ULK4: variants seen among roughly 807,000 people sequenced by gnomAD.
ULK4 encodes the protein unc-51 like kinase 4, also known as inactive serine/threonine-protein kinase ULK4.
In ULK4, 133 loss-of-function variants were observed where a neutral mutation model predicts 160.6. The observed-to-expected ratio is 0.83, with a 90% CI of 0.72 to 0.96. The LOEUF (loss-of-function observed/expected upper bound fraction) is 0.96. Ranked by LOEUF, ULK4 falls within the 40% of genes least tolerant of loss-of-function variation. The pLI is 0.00. For synonymous variants in ULK4, 534 were observed against 539.8 expected (o/e 0.99, Z 0.15); for missense variants, 1,580 against 1,499.5 (o/e 1.05, Z -0.89).
intron 34 of ULK4, among the ~76,000 whole-genome samples, chr3:41,400,817 A>G (rs546943731): frequency 5.9e-5 from 9 of 152,120 alleles, no homozygotes; most frequent in Non-Finnish European, 1.2e-4. Context: ...AAAAGATCCA[A>G]TTTCTCAGCA....
intron 19 of ULK4, among the ~76,000 whole-genome samples, chr3:41,809,734 T>G (rs755741747): frequency 3.9e-5 from 6 of 152,196 alleles, no homozygotes; most frequent in Non-Finnish European, 8.8e-5. Context: ...ACTTTTAATA[T>G]ATATTTTCAA....
chr3:41,367,417 G>A (rs924378226), intron 35 of ULK4, among the ~76,000 whole-genome samples: 11 of 152,308 alleles, frequency 7.2e-5, no homozygotes, highest in African/African-American at 2.2e-4. Flanking sequence ...GGTAGAGGGC[G>A]ATGGCTCTGG....
intron 17 of ULK4, among the ~76,000 whole-genome samples, chr3:41,873,012 G>A (rs1415532399): frequency 6.6e-6 from 1 of 152,114 alleles, no homozygotes; most frequent in Non-Finnish European, 1.5e-5. Flanking sequence ...AATAAGCCGA[G>A]TATGGTGGTA....
chr3:41,352,551 A>G (rs546751707), intron 35 of ULK4, among the ~76,000 whole-genome samples: 1 of 152,206 alleles, frequency 6.6e-6, no homozygotes, highest in East Asian at 1.9e-4. Context: ...GGGAACTGCA[A>G]TATCTCTTTC....
At chr3:41,814,010 G>A (rs1203341141) in intron 19 of ULK4, among the ~76,000 whole-genome samples, 1 of 152,160 alleles carries the variant, frequency 6.6e-6, no homozygotes, top group Non-Finnish European at 1.5e-5. Context: ...AGCGCTGAGT[G>A]GGGTAGACCG....
At chr3:41,643,262 T>C (rs527785031) in intron 30 of ULK4, among the ~76,000 whole-genome samples, 1 of 152,298 alleles carries the variant, frequency 6.6e-6, no homozygotes, top group East Asian at 1.9e-4. Context: ...ATGAAGTCCT[T>C]GCCCATGCCT....
intron 21 of ULK4, among the ~76,000 whole-genome samples, chr3:41,756,215 G>T (rs2038799043): frequency 6.6e-6 from 1 of 152,058 alleles, no homozygotes; most frequent in African/African-American, 2.4e-5. Flanking sequence ...CAAGCTCTGT[G>T]AAAATGACAC....
At chr3:41,300,752 G>T (rs527925971) in intron 35 of ULK4, among the ~76,000 whole-genome samples, 319 of 149,052 alleles carry the variant, frequency 2.1e-3, no homozygotes, top group African/African-American at 7.6e-3. Context: ...AGTGATTTGT[G>T]GCTCACAGCA....
At chr3:41,873,872 GTTTTT>G (rs56104260) in intron 17 of ULK4, among the ~76,000 whole-genome samples, 16 of 148,492 alleles carry the variant, frequency 1.1e-4, no homozygotes, top group African/African-American at 3.7e-4. Context: ...TGTTTTTGTG[GTTTTT>G]TTTGTTTTTT....
chr3:41,366,887 T>C (rs2081264770), intron 35 of ULK4, among the ~76,000 whole-genome samples: 1 of 152,214 alleles, frequency 6.6e-6, no homozygotes, highest in Non-Finnish European at 1.5e-5. Flanking sequence ...TTGATGTACC[T>C]GCCACAGTTC....
chr3:41,489,298 C>A (rs1000196906), intron 32 of ULK4, among the ~76,000 whole-genome samples: 2 of 152,214 alleles, frequency 1.3e-5, no homozygotes, highest in African/African-American at 2.4e-5. Flanking sequence ...ATTCTCTGCA[C>A]TGGCTTATTT....
intron 17 of ULK4, among the ~76,000 whole-genome samples, chr3:41,862,010 C>T (rs944066295): frequency 6.6e-6 from 1 of 151,976 alleles, no homozygotes; most frequent in Admixed American, 6.6e-5. Flanking sequence ...CGGGGTTTCA[C>T]CATGTTGCCC....
chr3:41,370,945 C>G (rs971980032), intron 35 of ULK4, among the ~76,000 whole-genome samples: 1 of 152,094 alleles, frequency 6.6e-6, no homozygotes, highest in African/African-American at 2.4e-5. Context: ...CCTGGATGCT[C>G]GAGCTTGGTG....
chr3:41,595,386 C>T (rs1030552735), intron 31 of ULK4, among the ~76,000 whole-genome samples: 5 of 152,172 alleles, frequency 3.3e-5, no homozygotes, highest in South Asian at 2.1e-4. Context: ...GCCAGCCTCT[C>T]GGGGCACTGA....
At chr3:41,419,566 A>G (rs779539451) in intron 34 of ULK4, among the ~76,000 whole-genome samples, 1 of 152,220 alleles carries the variant, frequency 6.6e-6, no homozygotes, top group African/African-American at 2.4e-5. Context: ...ACCGCCCTGC[A>G]GTGGTGGCGG....
At chr3:41,274,160 C>A (rs2079188632) in intron 35 of ULK4, among the ~76,000 whole-genome samples, 1 of 152,154 alleles carries the variant, frequency 6.6e-6, no homozygotes. Flanking sequence ...AGGTCACTAT[C>A]TTTCACTGCC....
chr3:41,360,429 G>A (rs1250165205), intron 35 of ULK4, among the ~76,000 whole-genome samples: 1 of 152,122 alleles, frequency 6.6e-6, no homozygotes, highest in Non-Finnish European at 1.5e-5. Flanking sequence ...TATACCTAAA[G>A]GAATAGAAAT....
At chr3:41,729,033 C>A (rs977799193) in intron 22 of ULK4, among the ~76,000 whole-genome samples, 9 of 152,056 alleles carry the variant, frequency 5.9e-5, no homozygotes, top group African/African-American at 2.2e-4. Context: ...CCAACTCCTA[C>A]AAAAAAAGAC....
chr3:41,549,229 G>A lies in ULK4; in HGVS notation c.3226+16796C>T, dbSNP rs79635927. On this transcript the variant is annotated intron_variant, in intron 32 of 36. Transcript: ENST00000301831. Reference sequence around the variant, plus strand: ...AGAAATCAAAGGTATTTGTGAAAAAGAATTGAAACTAATGATATTAAAGAG... The same window carrying A: ...AGAAATCAAAGGTATTTGTGAAAAAAAATTGAAACTAATGATATTAAAGAG... Among the ~76,000 whole-genome samples the A allele has an allele frequency of 6.4e-4, 97 of 152,066 alleles. 1 individual carries two copies. In the East Asian group the frequency reaches 0.017, roughly 27 times the overall value.
Sources: allele counts gnomAD v4.1 joint callset (sites outside exome capture counted in the v4.1 genomes callset), GRCh38; gene constraint gnomAD v4.1.1; transcripts MANE v1.5; gene names NCBI Gene and HGNC (gene_info 2026-07-23, HGNC 2026-07-21).